Variants in ANKS6 observed in about 807,000 individuals in gnomAD.
ANKS6 encodes ankyrin repeat and SAM domain-containing protein 6.
ANKS6 carries 47 observed loss-of-function variants against 77.9 expected under a neutral mutation model. The ratio of observed to expected loss-of-function variants is 0.60; its 90% CI spans 0.48 to 0.77. ANKS6 has a LOEUF of 0.77. Among genes scored for constraint, ANKS6 ranks in the 30% least tolerant of loss-of-function variants. ANKS6 has a pLI of 0.00. For synonymous variants in ANKS6, 488 were observed against 501.7 expected (o/e 0.97, Z 0.37); for missense variants, 1,150 against 1,159.1 (o/e 0.99, Z 0.11).
rs543305200 is a variant in ANKS6 at position 98,768,001 on chromosome 9, T to G, written c.2142+80A>C. On this transcript the variant is annotated intron_variant, in intron 11 of 14. Coordinates refer to ENST00000353234, the MANE Select transcript of ANKS6 (RefSeq NM_173551.5). ...TAGTCCTGTCCCATGACTAAGGCAC[T>G]GCCCATGCTTCCCGGCAAGTGGCCC... is the stretch of plus-strand genomic sequence containing the variant. The G allele has an allele frequency of 5.3e-6, 8 of 1,501,904 alleles. No individual in the cohort carries two copies. In the South Asian group the frequency reaches 7.6e-5, roughly 14 times the overall value. The allele number at this position is 1,501,904 out of a possible 1,614,324, so 93.0% of individuals were successfully genotyped here.
intron 12 of ANKS6, among the ~76,000 whole-genome samples, chr9:98,751,655 A>C (rs771559662): frequency 6.6e-6 from 1 of 152,226 alleles, no homozygotes; most frequent in Non-Finnish European, 1.5e-5. Context: ...TTGGGGTGTC[A>C]GAACAGGGAG....
chr9:98,759,443 A>T (rs1466417700), intron 11 of ANKS6, among the ~76,000 whole-genome samples: 1 of 152,200 alleles, frequency 6.6e-6, no homozygotes, highest in Admixed American at 6.5e-5. Context: ...ATCCAAACAC[A>T]GCATCAAATC....
chr9:98,779,739 C>T (rs1396148831), intron 6 of ANKS6, among the ~76,000 whole-genome samples: 1 of 152,094 alleles, frequency 6.6e-6, no homozygotes, highest in Non-Finnish European at 1.5e-5. Flanking sequence ...TCTCGACTCA[C>T]TGCAAGCTCC....
At position 98,736,375 on chromosome 9, in the gene ANKS6, C is replaced by T; in HGVS notation, c.*144G>A. 2 of 1,428,902 alleles carry T rather than the reference C, an allele frequency of 1.4e-6. No individual in the cohort carries two copies. Among genetic ancestry groups the T allele is most frequent in the Non-Finnish European group, 1.8e-6 (2 of 1,094,372 alleles). 88.5% of individuals were successfully genotyped at this position (1,428,902 alleles called of 1,614,324 possible). ...CAGCAAGAAGTACTACCAATGAATG[C>T]CGTCGACGTGAAGTGGGCATCCCGA... On this transcript the variant is annotated 3_prime_UTR_variant, in exon 15 of 15. Transcript: ENST00000353234.
chr9:98,794,618 C>G (rs1343838346), intron 1 of ANKS6, among the ~76,000 whole-genome samples: 1 of 152,162 alleles, frequency 6.6e-6, no homozygotes, highest in Non-Finnish European at 1.5e-5. Context: ...TCAAGACTAT[C>G]CTGCAGAACT....
rs1313975718 is a variant in ANKS6 at position 98,772,569 on chromosome 9, G to A, written c.1821+1308C>T. 3.9e-5 allele frequency among the ~76,000 whole-genome samples: 6 copies of A among 152,314 alleles called. No homozygotes were observed. The East Asian group carries it at 9.6e-4, about 24-fold the overall frequency. On this transcript the variant is annotated intron_variant, in intron 9 of 14. Coordinates refer to ENST00000353234, the MANE Select transcript of ANKS6 (RefSeq NM_173551.5). ...CTACTGTGGGCACTCCTAAGGGAGA[G>A]ACAGTGACAGATCCCAGGGCCCTGG...
intron 4 of ANKS6, chr9:98,783,716 T>C (rs1302162686): frequency 5.1e-6 from 2 of 388,514 alleles, no homozygotes; most frequent in Non-Finnish European, 9.0e-6. Context: ...TCCTGCTGCA[T>C]GGTTTTTCAG....
Position 98,736,588 on chromosome 9 carries a change from G to T in ANKS6, c.2547C>A (p.His849Gln). The T allele has an allele frequency of 6.2e-7, 1 of 1,613,398 alleles. No homozygotes were observed. Among genetic ancestry groups the T allele is most frequent in the South Asian group, 1.1e-5 (1 of 90,826 alleles). The change falls in exon 15 of 15, where the codon CAC (histidine) becomes CAA (glutamine). Residue 849 changes from histidine (H) to glutamine (Q), a missense_variant. Transcript: ENST00000353234. Reference sequence around the variant, plus strand: ...TGCTCTCAAAGGAAGAGTGAAAGTTGTGAATGGTTTCCTGTAAAATTTGTC... The same window carrying T: ...TGCTCTCAAAGGAAGAGTGAAAGTTTTGAATGGTTTCCTGTAAAATTTGTC... ...RERQILQETI[H>Q]NFHSSFESSA...
In ANKS6 at chr9:98,784,014, C is replaced by T; in HGVS notation, c.1051G>A (p.Asp351Asn). The part of the protein sequence containing the change: ...LVQLLVERHA[D>N]VDKQDSVHGW... ...TGCACGCTGTCCTGCTTGTCAACAT[C>T]CGCGTGCCTCTCCACCAGCAGCTGC... Residue 351 changes from aspartate to asparagine, a missense_variant, in exon 4 of 15, where the codon GAT becomes AAT. Asp to Asn is a conservative substitution (Grantham distance 23). Coordinates refer to ENST00000353234, the MANE Select transcript of ANKS6 (RefSeq NM_173551.5). The T allele has an allele frequency of 6.2e-7, 1 of 1,611,020 alleles. No individual in the cohort carries two copies. Among genetic ancestry groups the T allele is most frequent in the Non-Finnish European group, 8.5e-7 (1 of 1,179,364 alleles).
At position 98,790,306 on chromosome 9, in the gene ANKS6, T is replaced by C. The variant is rs932737598; in HGVS notation, c.660A>G (p.Ala220=). ...LMEWGADPNH[A]ARTVGWSPLM... is the part of the protein sequence containing the mutation. ...GCGGGCTCCAGCCCACGGTCCGGGC[T>C]GCGTGGTTGGGGTCCGCGCCCCACT... The change falls in exon 2 of 15, where the codon GCA becomes GCG. Residue 220 remains alanine (A), a synonymous_variant. Coordinates refer to ENST00000353234, the MANE Select transcript of ANKS6 (RefSeq NM_173551.5). 7 of 1,606,988 alleles carry C rather than the reference T, an allele frequency of 4.4e-6. No individual in the cohort carries two copies. The highest frequency in any genetic ancestry group is 2.7e-5 in the African/African-American group (2 of 74,840).
chr9:98,784,206 G>A, intron 3 of ANKS6, 49 bp from the exon 4 acceptor site: 1 of 1,466,736 alleles, frequency 6.8e-7, no homozygotes, highest in Non-Finnish European at 9.1e-7. Flanking sequence ...TGGTACCATA[G>A]GCTGATTTCT....
At chr9:98,769,721 C>T (rs1034950503) in intron 10 of ANKS6, among the ~76,000 whole-genome samples, 1 of 152,200 alleles carries the variant, frequency 6.6e-6, no homozygotes, top group Admixed American at 6.5e-5. Context: ...CTATTTGACC[C>T]CGGACGAGTT....
chr9:98,747,263 GATTAAC>G (rs145986666), intron 13 of ANKS6, among the ~76,000 whole-genome samples: 5,254 of 152,142 alleles, frequency 0.035, 325 homozygotes, highest in African/African-American at 0.12. Context: ...TACCTAACAA[GATTAAC>G]ATTTTTTTTC....
In ANKS6 at chr9:98,733,413, C is replaced by T; in HGVS notation, c.*3106G>A. On this transcript the variant is annotated 3_prime_UTR_variant, in exon 15 of 15. Transcript: ENST00000353234. ...TCAGGGTGGAGCCTCAGCTCAATGC[C>T]CTCAGGCTGGAGAGCTCTCAGAACA... 1.0e-6 allele frequency: 1 copy of T among 985,416 alleles called. No individual in the cohort carries two copies. The highest frequency in any genetic ancestry group is 1.2e-6 in the Non-Finnish European group (1 of 829,956). The allele number at this position is 985,416 out of a possible 1,614,324, so 61.0% of individuals were successfully genotyped here. A position where few individuals can be genotyped will look rare whatever the true frequency, so the allele number is the denominator to read the frequency against.
intron 11 of ANKS6, among the ~76,000 whole-genome samples, chr9:98,763,595 C>T (rs1203890080): frequency 6.6e-6 from 1 of 151,540 alleles, no homozygotes; most frequent in Admixed American, 6.6e-5. Flanking sequence ...GAAGATAAAA[C>T]CCAAAGGAAG....
At chr9:98,780,013 A>G (rs1186078773) in intron 6 of ANKS6, among the ~76,000 whole-genome samples, 176 bp downstream of exon 6, 1 of 152,170 alleles carries the variant, frequency 6.6e-6, no homozygotes, top group Non-Finnish European at 1.5e-5. Flanking sequence ...ACATGGTCAC[A>G]GTCTCCCCAG....
At position 98,778,297 on chromosome 9, in the gene ANKS6, A is replaced by G. The variant is rs1834029214; in HGVS notation, c.1496T>C (p.Met499Thr). 6.2e-6 allele frequency: 10 copies of G among 1,614,142 alleles called. No homozygotes were observed. The highest frequency in any genetic ancestry group is 8.5e-6 in the Non-Finnish European group (10 of 1,180,034). ...TGTCTTGTCCTGGGGGGCAGCCCTC[A>G]TTGTGGAGTCCAGAGCTGGCTCAGG... ...DEPEPALDST[M>T]RAAPQDKTSR... The change falls in exon 7 of 15, where the codon ATG becomes ACG. Residue 499 changes from methionine to threonine, a missense_variant. Transcript: ENST00000353234.
At chr9:98,786,543 G>A (rs925770561) in intron 2 of ANKS6, among the ~76,000 whole-genome samples, 5 of 152,136 alleles carry the variant, frequency 3.3e-5, no homozygotes, top group East Asian at 1.9e-4. Context: ...ACCCACCTCC[G>A]CCTCCCAAAG....
Position 98,736,518 on chromosome 9 carries a change from A to T in ANKS6, c.*1T>A, listed in dbSNP as rs756264580. ...CACGCTGGTGGCTGCGGGAAGGAGG[A>T]TCACGCACAGGGGCTGTTGCCAGGG... On this transcript the variant is annotated 3_prime_UTR_variant, in exon 15 of 15. Transcript: ENST00000353234. 16 of 1,607,256 alleles carry T rather than the reference A, an allele frequency of 1.0e-5. No homozygotes were observed. Among genetic ancestry groups the T allele is most frequent in the Middle Eastern group, 1.7e-4 (1 of 6,022 alleles).
Sources: gnomAD v4.1 joint callset for allele counts (sites outside exome capture counted in the v4.1 genomes callset) on GRCh38, gnomAD v4.1.1 for gene constraint, MANE v1.5 for transcripts, NCBI Gene and HGNC (gene_info 2026-07-23, HGNC 2026-07-21) for gene names.